Variants in CHD5 observed in about 807,000 individuals in gnomAD.
The protein encoded by CHD5 is ATP-dependent chromatin remodeler CHD5.
A neutral mutation model predicts 230.3 loss-of-function variants in CHD5; 69 were observed. The observed-to-expected ratio is 0.30, with a 90% CI of 0.25 to 0.37. CHD5 has a LOEUF of 0.37. Ranked by LOEUF, CHD5 falls within the 10% of genes least tolerant of loss-of-function variation. The pLI is 1.00. For synonymous variants in CHD5, 1,064 were observed against 1,065.9 expected, an observed-to-expected ratio of 1.00 and a Z score of 0.03; for missense variants, 1,827 against 2,622.8, an observed-to-expected ratio of 0.70 and a Z score of 6.63.
In CHD5 at chr1:6,150,645, G is replaced by A. The variant is rs151179186; in HGVS notation, c.994+387C>T. Reference sequence around the variant, plus strand: ...GGACTGAGGGAAGGAGGGAGAAGGAGGGATGGGAAGGAAGGTGAGGTAAAG... The same window carrying A: ...GGACTGAGGGAAGGAGGGAGAAGGAAGGATGGGAAGGAAGGTGAGGTAAAG... On this transcript the variant is annotated intron_variant, in intron 7 of 41. Transcript: ENST00000262450. Among the ~76,000 whole-genome samples, 116 of 152,250 alleles carry A rather than the reference G, an allele frequency of 7.6e-4. 3 individuals carry two copies. The East Asian group carries it at 0.019, about 25-fold the overall frequency.
Position 6,146,950 on chromosome 1 carries a change from A to G in CHD5, c.1384-79T>C. The G allele has an allele frequency of 8.8e-7, 1 of 1,135,848 alleles. No individual in the cohort carries two copies. Among genetic ancestry groups the G allele is most frequent in the East Asian group, 2.6e-5 (1 of 38,360 alleles). 70.4% of individuals were successfully genotyped at this position (1,135,848 alleles called of 1,614,324 possible). On this transcript the variant is annotated intron_variant, in intron 9 of 41. Coordinates refer to ENST00000262450, the MANE Select transcript of CHD5 (RefSeq NM_015557.3). The surrounding 1 kb of genome is among the most constrained non-coding windows in gnomAD (Gnocchi z 5.1). ...GAGGCTCCCATGACAGCAGGCTGCC[A>G]TGCAGGCTCCCTCCCATCAGTGCCA...
chr1:6,119,434 A>T lies in CHD5; in HGVS notation c.4912+1671T>A, dbSNP rs111492394. 1.5e-3 allele frequency among the ~76,000 whole-genome samples: 228 copies of T among 152,342 alleles called. 1 individual carries two copies. The highest frequency in any genetic ancestry group is 5.2e-3 in the African/African-American group (216 of 41,586). ...TTTTAAGCAAAAACTTTAAAGAGGG[A>T]TAAGAGGGTTATTACACAATAATTA... is the stretch of plus-strand genomic sequence containing the variant. On this transcript the variant is annotated intron_variant, in intron 33 of 41. Transcript: ENST00000262450.
intron 1 of CHD5, among the ~76,000 whole-genome samples, chr1:6,174,331 C>T (rs1667385349): frequency 6.6e-6 from 1 of 152,156 alleles, no homozygotes; most frequent in South Asian, 2.1e-4. Context: ...GTGTTCAGTA[C>T]CCAGCTCAGA....
intron 2 of CHD5, among the ~76,000 whole-genome samples, chr1:6,162,442 C>T (rs146846072): frequency 5.9e-5 from 9 of 151,938 alleles, no homozygotes; most frequent in African/African-American, 1.4e-4. Context: ...ATCTGTGACC[C>T]GGGAGAAACC....
At chr1:6,122,830 G>T (rs994419672) in intron 31 of CHD5, among the ~76,000 whole-genome samples, 1 of 152,212 alleles carries the variant, frequency 6.6e-6, no homozygotes, top group Non-Finnish European at 1.5e-5. Flanking sequence ...AGCACGTTGG[G>T]AGGCCGAGGA....
At position 6,105,356 on chromosome 1, in the gene CHD5, T is replaced by C. The variant is rs757506298; in HGVS notation, c.*118A>G. 1 of 469,948 alleles carries C rather than the reference T, an allele frequency of 2.1e-6. No individual in the cohort carries two copies. Among genetic ancestry groups the C allele is most frequent in the South Asian group, 1.6e-5 (1 of 64,432 alleles). The allele number at this position is 469,948 out of a possible 1,614,324, so 29.1% of individuals were successfully genotyped here. A position where few individuals can be genotyped will look rare whatever the true frequency, so the allele number is the denominator to read the frequency against. On this transcript the variant is annotated 3_prime_UTR_variant, in exon 42 of 42. Coordinates refer to ENST00000262450, the MANE Select transcript of CHD5 (RefSeq NM_015557.3). This position sits in a 1 kb window ranked among gnomAD's most constrained non-coding sequence, Gnocchi z 4.8. ...CTAGGTTTCCCTTTTTGTCCCAAGG[T>C]GGCGCTGGCTCCTAAAAAGGTGGCA...
At chr1:6,107,400 GGTGGAGAAA>G (rs1666199976) in intron 38 of CHD5, among the ~76,000 whole-genome samples, 1 of 97,066 alleles carries the variant, frequency 1.0e-5, no homozygotes, top group South Asian at 4.8e-4. Flanking sequence ...GGAATGGAGG[GGTGGAGAAA>G]TGGAGGGATG....
chr1:6,145,359 G>A lies in CHD5; in HGVS notation c.1802+853C>T, dbSNP rs772693439. Among the ~76,000 whole-genome samples the A allele has an allele frequency of 3.9e-5, 6 of 152,200 alleles. No homozygotes were observed. The East Asian group carries it at 5.8e-4, about 15-fold the overall frequency. ...GAAGCACTGAGTGTCAGAGGCCACC[G>A]ATCCTAAGCCCCTCAAAAACAGAGG... On this transcript the variant is annotated intron_variant, in intron 11 of 41. Transcript: ENST00000262450.
At chr1:6,163,199 C>T (rs1287761311) in intron 2 of CHD5, among the ~76,000 whole-genome samples, 3 of 152,232 alleles carry the variant, frequency 2.0e-5, no homozygotes, top group African/African-American at 7.2e-5. Context: ...GTGGCCCCTT[C>T]CCTGCTGTCA....
At chr1:6,107,028 G>A (rs1166627830) in intron 38 of CHD5, among the ~76,000 whole-genome samples, 3 of 137,338 alleles carry the variant, frequency 2.2e-5, no homozygotes, top group Non-Finnish European at 3.1e-5. Context: ...AGGGATAATG[G>A]AGGGAAGATG....
intron 17 of CHD5, among the ~76,000 whole-genome samples, chr1:6,136,034 A>G (rs61233800): frequency 1.1e-3 from 129 of 120,958 alleles, no homozygotes; most frequent in African/African-American, 3.4e-3. Context: ...CAACAAAAAA[A>G]AAAAACACTG....
At position 6,146,383 on chromosome 1, in the gene CHD5, C is replaced by T; in HGVS notation, c.1631G>A (p.Arg544Lys). ...GGGCGGCTCATCCATGTCGTTCTTT[C>T]TTTGGTAGTTGCGATACATCACCGT... ...YHTVMYRNYQ[R>K]KNDMDEPPPF... The change falls in exon 11 of 42, where the codon AGA (arginine) becomes AAA (lysine). Residue 544 changes from arginine (R) to lysine (K), a missense_variant. Coordinates refer to ENST00000262450, the MANE Select transcript of CHD5 (RefSeq NM_015557.3). The surrounding 1 kb of genome is among the most constrained non-coding windows in gnomAD (Gnocchi z 5.1). 1 of 1,614,154 alleles carries T rather than the reference C, an allele frequency of 6.2e-7. No individual in the cohort carries two copies. The highest frequency in any genetic ancestry group is 8.5e-7 in the Non-Finnish European group (1 of 1,180,016).
At chr1:6,140,014 C>T (rs773176215) in intron 15 of CHD5, among the ~76,000 whole-genome samples, 4 of 152,180 alleles carry the variant, frequency 2.6e-5, no homozygotes, top group Non-Finnish European at 5.9e-5. Flanking sequence ...AGGGCCTGTG[C>T]GAGGATCCAC....
At chr1:6,112,629 G>T (rs1395157500) in intron 34 of CHD5, among the ~76,000 whole-genome samples, 3 of 152,226 alleles carry the variant, frequency 2.0e-5, no homozygotes, top group Non-Finnish European at 4.4e-5. Context: ...GGTATGCAAA[G>T]CTTCCAGCTG....
chr1:6,114,048 G>C (rs1014973169), intron 33 of CHD5, among the ~76,000 whole-genome samples: 1 of 152,202 alleles, frequency 6.6e-6, no homozygotes, highest in Non-Finnish European at 1.5e-5. Flanking sequence ...AGGAGTTCGA[G>C]ACCAGCCTGA....
At chr1:6,162,884 G>A (rs1172797020) in intron 2 of CHD5, among the ~76,000 whole-genome samples, 1 of 152,160 alleles carries the variant, frequency 6.6e-6, no homozygotes. Flanking sequence ...TCTACGGGGA[G>A]CCAACCCAGC....
intron 31 of CHD5, among the ~76,000 whole-genome samples, 164 bp downstream of exon 31, chr1:6,123,784 T>A (rs1276694369): frequency 6.6e-6 from 1 of 152,136 alleles, no homozygotes; most frequent in African/African-American, 2.4e-5. Flanking sequence ...CTCGTAACTG[T>A]CATTAAAATG....
chr1:6,120,985 G>T, intron 33 of CHD5, 120 bp downstream of exon 33: 2 of 1,197,970 alleles, frequency 1.7e-6, no homozygotes, highest in Non-Finnish European at 2.2e-6. Flanking sequence ...GCAGAGGGTT[G>T]GAGTCTACCT....
In CHD5 at chr1:6,149,018, C is replaced by T. The variant is rs150785441; in HGVS notation, c.1219G>A (p.Gly407Ser). Residue 407 changes from glycine (G) to serine (S), a missense_variant, in exon 9 of 42, where the codon GGC becomes AGC. Gly to Ser is a moderately conservative substitution (Grantham distance 56). This residue lies in a region of CHD5 where 657 missense variants were observed against 816.4 expected (regional missense o/e 0.80). Transcript: ENST00000262450. ...TGGTCGTCCTCCTCCTCCTCGCAGC[C>T]GCCCTCCTCCTCTTCATCGTCGTCG... is the stretch of plus-strand genomic sequence containing the variant. ...KDDDDEEEEG[G>S]CEEEEDDHME... 5 of 1,602,606 alleles carry T rather than the reference C, an allele frequency of 3.1e-6. No individual in the cohort carries two copies. In the African/African-American group the frequency reaches 4.0e-5, roughly 13 times the overall value.
Sources: allele counts gnomAD v4.1 joint callset (sites outside exome capture counted in the v4.1 genomes callset), GRCh38; gene constraint gnomAD v4.1.1; regional missense constraint gnomAD v4.1.1; non-coding constraint Gnocchi (gnomAD v3.1); transcripts MANE v1.5; gene names NCBI Gene and HGNC (gene_info 2026-07-23, HGNC 2026-07-21).